Variants in IPMK observed in about 807,000 individuals in gnomAD.
IPMK encodes inositol polyphosphate multikinase.
IPMK carries 17 observed loss-of-function variants against 45.8 expected under a neutral mutation model. The observed-to-expected ratio is 0.37, with a 90% CI of 0.25 to 0.56. The LOEUF (loss-of-function observed/expected upper bound fraction) is 0.56. Among genes scored for constraint, IPMK ranks in the 20% least tolerant of loss-of-function variants. IPMK has a pLI of 0.79. For synonymous variants in IPMK, 180 were observed against 184.3 expected, an observed-to-expected ratio of 0.98 and a Z score of 0.19; for missense variants, 399 against 498.0, an observed-to-expected ratio of 0.80 and a Z score of 1.89.
chr10:58,200,965 TCA>T (rs1291531770), intron 4 of IPMK, among the ~76,000 whole-genome samples: 1 of 152,182 alleles, frequency 6.6e-6, no homozygotes, highest in African/African-American at 2.4e-5. Flanking sequence ...TTCTATGTGT[TCA>T]CAGTGTTTTT....
At chr10:58,232,144 T>C (rs1379598046) in intron 2 of IPMK, among the ~76,000 whole-genome samples, 2 of 152,138 alleles carry the variant, frequency 1.3e-5, no homozygotes, top group African/African-American at 4.8e-5. Context: ...ATCCTAAATA[T>C]ATATGCACCC....
intron 3 of IPMK, among the ~76,000 whole-genome samples, chr10:58,226,637 T>G (rs928190895): frequency 6.6e-6 from 1 of 152,036 alleles, no homozygotes; most frequent in Non-Finnish European, 1.5e-5. Context: ...CAGAAGACTG[T>G]AATTTAAAGC....
intron 4 of IPMK, among the ~76,000 whole-genome samples, chr10:58,211,412 C>G (rs183375706): frequency 3.3e-5 from 5 of 152,072 alleles, no homozygotes; most frequent in Admixed American, 2.0e-4. Context: ...AGGCTGCTCT[C>G]GAACTCCTTA....
intron 1 of IPMK, among the ~76,000 whole-genome samples, chr10:58,246,999 T>C (rs916104950): frequency 4.0e-4 from 60 of 150,486 alleles, no homozygotes; most frequent in African/African-American, 1.4e-3. Flanking sequence ...GCAAAGGACA[T>C]GAACAGACAC....
At position 58,194,660 on chromosome 10, in the gene IPMK, C is replaced by T. The variant is rs977338317; in HGVS notation, c.*1416G>A. 2 of 151,762 alleles carry T rather than the reference C, an allele frequency of 1.3e-5. No homozygotes were observed. The highest frequency in any genetic ancestry group is 3.0e-5 in the Non-Finnish European group (2 of 67,786). 9.4% of individuals were successfully genotyped at this position (151,762 alleles called of 1,614,324 possible). A position where few individuals can be genotyped will look rare whatever the true frequency, so the allele number is the denominator to read the frequency against. On this transcript the variant is annotated 3_prime_UTR_variant, in exon 6 of 6. Coordinates refer to ENST00000373935, the MANE Select transcript of IPMK (RefSeq NM_152230.5). ...ATAAAGGTGCTCGGATTTAAAAATT[C>T]AATTTGTAACTCCAGAAGAAAAAGA... is the stretch of plus-strand genomic sequence containing the variant.
chr10:58,253,724 A>C (rs1460265891), intron 1 of IPMK, among the ~76,000 whole-genome samples: 1 of 140,816 alleles, frequency 7.1e-6, no homozygotes. Flanking sequence ...ACAGAGTAAG[A>C]CTCCATCTCC....
At position 58,192,610 on chromosome 10, in the gene IPMK, T is replaced by C. The variant is rs1301753458; in HGVS notation, c.*3466A>G. 6.6e-6 allele frequency: 1 copy of C among 151,970 alleles called. No individual in the cohort carries two copies. The highest frequency in any genetic ancestry group is 1.5e-5 in the Non-Finnish European group (1 of 67,886). The allele number at this position is 151,970 out of a possible 1,614,324, so 9.4% of individuals were successfully genotyped here. Reference sequence around the variant, plus strand: ...CCAATCCCACCCCATCCAAAGAGAATGCTGAAAATGGTTAGGGCCTTATCC... The same window carrying C: ...CCAATCCCACCCCATCCAAAGAGAACGCTGAAAATGGTTAGGGCCTTATCC... On this transcript the variant is annotated 3_prime_UTR_variant, in exon 6 of 6. Coordinates refer to ENST00000373935, the MANE Select transcript of IPMK (RefSeq NM_152230.5).
At chr10:58,245,549 C>T (rs1203150997) in intron 1 of IPMK, among the ~76,000 whole-genome samples, 2 of 150,114 alleles carry the variant, frequency 1.3e-5, no homozygotes, top group African/African-American at 5.0e-5. Flanking sequence ...GAGGCGGATG[C>T]TACAGTGAGC....
chr10:58,211,996 T>C (rs568166148), intron 4 of IPMK, among the ~76,000 whole-genome samples: 8 of 152,080 alleles, frequency 5.3e-5, no homozygotes, highest in East Asian at 3.9e-4. Context: ...GGGGTTTTTT[T>C]CCCCAACTAA....
chr10:58,219,881 A>G (rs1235977739), intron 3 of IPMK, among the ~76,000 whole-genome samples: 2 of 152,234 alleles, frequency 1.3e-5, no homozygotes, highest in Admixed American at 1.3e-4. Context: ...CTAAAGGCCC[A>G]GTGTTTTCTT....
At position 58,194,729 on chromosome 10, in the gene IPMK, CA is replaced by C; in HGVS notation, c.*1346del. On this transcript the variant is annotated 3_prime_UTR_variant, in exon 6 of 6. Transcript: ENST00000373935. The stretch of plus-strand genomic sequence containing the variant: ...CCCAAAATATTTTCCAGGAATATGA[CA>C]AAACTGATAACTACCTAGAAATGTT... 6.6e-6 allele frequency: 1 copy of C among 151,888 alleles called. No homozygotes were observed. Among genetic ancestry groups the C allele is most frequent in the South Asian group, 2.1e-4 (1 of 4,830 alleles). The allele number at this position is 151,888 out of a possible 1,614,324, so 9.4% of individuals were successfully genotyped here.
chr10:58,206,762 T>A (rs1838076776), intron 4 of IPMK, among the ~76,000 whole-genome samples: 1 of 152,108 alleles, frequency 6.6e-6, no homozygotes, highest in East Asian at 1.9e-4. Flanking sequence ...GAATGTGTAG[T>A]CTTATCCCTC....
intron 4 of IPMK, among the ~76,000 whole-genome samples, chr10:58,209,451 G>A (rs1311027671): frequency 2.6e-5 from 4 of 152,216 alleles, no homozygotes; most frequent in Non-Finnish European, 5.9e-5. Flanking sequence ...ATCCTTTGAT[G>A]TGGTGCTCTC....
intron 3 of IPMK, among the ~76,000 whole-genome samples, chr10:58,221,004 A>G (rs1838324670): frequency 6.6e-6 from 1 of 152,228 alleles, no homozygotes; most frequent in South Asian, 2.1e-4. Flanking sequence ...ACCCTTCCAG[A>G]TGAGACAAGC....
chr10:58,250,845 T>C (rs1049229772), intron 1 of IPMK, among the ~76,000 whole-genome samples: 3 of 152,176 alleles, frequency 2.0e-5, no homozygotes, highest in Admixed American at 1.3e-4. Flanking sequence ...CTGAAGTATG[T>C]TCCTTCTATA....
At position 58,217,534 on chromosome 10, in the gene IPMK, C is replaced by T. The variant is rs184699951; in HGVS notation, c.374-1217G>A. ...AGAAACCCCGTCTCTACTAATAATACAAAATTAGCCAGGCATGGTGGCAGG... is the reference window on the plus strand; with the variant it reads ...AGAAACCCCGTCTCTACTAATAATATAAAATTAGCCAGGCATGGTGGCAGG... On this transcript the variant is annotated intron_variant, in intron 3 of 5. Transcript: ENST00000373935. Among the ~76,000 whole-genome samples the T allele has an allele frequency of 5.9e-5, 9 of 151,270 alleles. No homozygotes were observed. The South Asian group carries it at 8.4e-4, about 14-fold the overall frequency.
intron 4 of IPMK, among the ~76,000 whole-genome samples, chr10:58,211,434 C>A (rs1838157195): frequency 6.6e-6 from 1 of 152,018 alleles, no homozygotes; most frequent in East Asian, 1.9e-4. Flanking sequence ...CTCAGGTGAT[C>A]CACCCACCTC....
At chr10:58,220,106 C>T (rs961052278) in intron 3 of IPMK, among the ~76,000 whole-genome samples, 6 of 152,130 alleles carry the variant, frequency 3.9e-5, no homozygotes, top group African/African-American at 1.4e-4. Flanking sequence ...TCAGTCTTGC[C>T]AATTTGGAAA....
At chr10:58,209,649 G>A (rs1382044354) in intron 4 of IPMK, among the ~76,000 whole-genome samples, 1 of 152,224 alleles carries the variant, frequency 6.6e-6, no homozygotes, top group Non-Finnish European at 1.5e-5. Context: ...TAGTGGAGGT[G>A]GCAGGGGAGT....
Sources: allele counts gnomAD v4.1 joint callset (sites outside exome capture counted in the v4.1 genomes callset), GRCh38; gene constraint gnomAD v4.1.1; transcripts MANE v1.5; gene names NCBI Gene and HGNC (gene_info 2026-07-23, HGNC 2026-07-21).